The following RAD51B variants were observed in gnomAD, a reference collection of about 807,000 sequenced individuals.
RAD51B encodes DNA repair protein RAD51 homolog 2.
A neutral mutation model predicts 42.2 loss-of-function variants in RAD51B; 38 were observed. The observed-to-expected ratio is 0.90, with a 90% CI of 0.70 to 1.18. RAD51B has a LOEUF of 1.18. Among genes scored for constraint, RAD51B ranks in the 50% most tolerant of loss-of-function variants. RAD51B has a pLI of 0.00. For missense variants in RAD51B, 373 were observed against 400.7 expected (o/e 0.93, Z 0.59); for synonymous variants, 154 against 145.2 (o/e 1.06, Z -0.43).
At chr14:68,373,984 C>T (rs960143555) in intron 8 of RAD51B, among the ~76,000 whole-genome samples, 30 of 152,032 alleles carry the variant, frequency 2.0e-4, no homozygotes, top group Non-Finnish European at 3.7e-4. Context: ...AGAAAAGAAC[C>T]GACATTTATT....
chr14:68,402,370 GTCCAA>G (rs1477704027), intron 8 of RAD51B, among the ~76,000 whole-genome samples: 1 of 152,172 alleles, frequency 6.6e-6, no homozygotes, highest in African/African-American at 2.4e-5. Context: ...CAAATGGATG[GTCCAA>G]TAAAGAACCA....
At chr14:68,188,346 C>T (rs554787562) in intron 7 of RAD51B, among the ~76,000 whole-genome samples, 5 of 148,314 alleles carry the variant, frequency 3.4e-5, no homozygotes, top group African/African-American at 1.2e-4. Context: ...CCTTCTGTCC[C>T]TCCTCCCCCC....
chr14:68,673,947 TAC>T (rs1223331159), intron 11 of RAD51B, among the ~76,000 whole-genome samples: 1 of 150,784 alleles, frequency 6.6e-6, no homozygotes, highest in Admixed American at 6.6e-5. Context: ...ACACATACTG[TAC>T]ACACACATCT....
At chr14:67,869,251 G>A (rs531623860) in intron 5 of RAD51B, among the ~76,000 whole-genome samples, 2 of 152,348 alleles carry the variant, frequency 1.3e-5, no homozygotes, top group Admixed American at 1.3e-4. Flanking sequence ...AGGAGCTGAT[G>A]GAGCTGAAAA....
intron 8 of RAD51B, among the ~76,000 whole-genome samples, chr14:68,392,511 T>A (rs2083788115): frequency 6.6e-6 from 1 of 152,232 alleles, no homozygotes; most frequent in South Asian, 2.1e-4. Flanking sequence ...TTTGCCACTT[T>A]GAACTGAATG....
At chr14:68,562,569 T>A in intron 10 of RAD51B, 1 of 985,434 alleles carries the variant, frequency 1.0e-6, no homozygotes, top group Non-Finnish European at 1.2e-6. Flanking sequence ...ACTCCTTTTG[T>A]GTACTGTGCA....
chr14:68,314,519 T>C (rs1053922194), intron 8 of RAD51B, among the ~76,000 whole-genome samples: 1 of 152,256 alleles, frequency 6.6e-6, no homozygotes, highest in African/African-American at 2.4e-5. Context: ...CTGGCATTTG[T>C]TCATACATTG....
chr14:68,650,651 C>G, intron 10 of RAD51B: 1 of 613,268 alleles, frequency 1.6e-6, no homozygotes, highest in Non-Finnish European at 2.9e-6. Flanking sequence ...TTTAAAGTAG[C>G]ATCTAATTCA....
rs372466807 is a variant in RAD51B, at chr14:68,443,391, G to A, written c.958-24781G>A. 6.6e-5 allele frequency among the ~76,000 whole-genome samples: 10 copies of A among 152,304 alleles called. No individual in the cohort carries two copies. The East Asian group carries it at 1.3e-3, about 21-fold the overall frequency. On this transcript the variant is annotated intron_variant, in intron 9 of 10. Coordinates refer to ENST00000471583, the MANE Select transcript of RAD51B (RefSeq NM_133510.4). ...CTGTTTGGGTGTATAAGAAATGTGCGCATGTGCCTCTGACTCTTCCAGGGC... is the reference window on the plus strand; with the variant it reads ...CTGTTTGGGTGTATAAGAAATGTGCACATGTGCCTCTGACTCTTCCAGGGC...
At chr14:68,114,544 A>G (rs561816945) in intron 7 of RAD51B, among the ~76,000 whole-genome samples, 7 of 152,218 alleles carry the variant, frequency 4.6e-5, no homozygotes. Context: ...AAAACGTGCT[A>G]AAATTGTTAC....
At chr14:68,232,003 C>G (rs946872910) in intron 7 of RAD51B, among the ~76,000 whole-genome samples, 1 of 151,846 alleles carries the variant, frequency 6.6e-6, no homozygotes, top group Non-Finnish European at 1.5e-5. Flanking sequence ...TTCATATGCT[C>G]AAGTGAAAGA....
chr14:68,253,980 C>G (rs1286356550), intron 7 of RAD51B, among the ~76,000 whole-genome samples: 1 of 152,094 alleles, frequency 6.6e-6, no homozygotes, highest in East Asian at 1.9e-4. Flanking sequence ...TTATAATTAA[C>G]TCTATTTTGT....
chr14:68,653,601 A>C (rs911452114), intron 11 of RAD51B, among the ~76,000 whole-genome samples: 6 of 152,224 alleles, frequency 3.9e-5, no homozygotes, highest in African/African-American at 1.4e-4. Context: ...ACCACCCCAC[A>C]CACAAATTGT....
chr14:68,237,107 C>G (rs951902406), intron 7 of RAD51B, among the ~76,000 whole-genome samples: 1 of 152,170 alleles, frequency 6.6e-6, no homozygotes, highest in African/African-American at 2.4e-5. Context: ...TGGGAAATTT[C>G]TTCAGAAGAG....
chr14:68,479,550 G>A (rs1174698520), downstream of RAD51B, among the ~76,000 whole-genome samples: 1 of 151,932 alleles, frequency 6.6e-6, no homozygotes, highest in Non-Finnish European at 1.5e-5. Flanking sequence ...ATTCCCATTA[G>A]ATCATACTCT....
intron 11 of RAD51B, among the ~76,000 whole-genome samples, chr14:68,662,302 C>T (rs1320883604): frequency 6.6e-6 from 1 of 152,236 alleles, no homozygotes; most frequent in African/African-American, 2.4e-5. Context: ...ATTTGTTTAG[C>T]CCCAAGGTTC....
At chr14:68,316,886 G>T (rs1204576489) in intron 8 of RAD51B, among the ~76,000 whole-genome samples, 2 of 152,142 alleles carry the variant, frequency 1.3e-5, no homozygotes, top group African/African-American at 4.8e-5. Flanking sequence ...ACAATTCAAT[G>T]ATTTTTAGTA....
intron 11 of RAD51B, among the ~76,000 whole-genome samples, chr14:68,675,497 G>T (rs1476091756): frequency 2.0e-5 from 3 of 152,140 alleles, no homozygotes; most frequent in Non-Finnish European, 2.9e-5. Context: ...CTAAGAGAAG[G>T]CCTGGGGTTG....
intron 4 of RAD51B, among the ~76,000 whole-genome samples, chr14:67,835,516 T>G (rs948661112): frequency 6.6e-6 from 1 of 151,536 alleles, no homozygotes; most frequent in Admixed American, 6.6e-5. Context: ...TATATATACA[T>G]ACATGCATAC....
Sources: gnomAD v4.1 joint callset for allele counts (sites outside exome capture counted in the v4.1 genomes callset) on GRCh38, gnomAD v4.1.1 for gene constraint, MANE v1.5 for transcripts, NCBI Gene and HGNC (gene_info 2026-07-23, HGNC 2026-07-21) for gene names.